SIDT1: variants seen among roughly 807,000 people sequenced by gnomAD.
The protein encoded by SIDT1 is SID1 transmembrane family, member 1.
In SIDT1, 101 loss-of-function variants were observed where a neutral mutation model predicts 107.5. That is an observed-to-expected ratio of 0.94 (90% confidence interval 0.80 to 1.11). The LOEUF is 1.11. Among genes scored for constraint, SIDT1 ranks in the 50% least tolerant of loss-of-function variants. The pLI is 0.00. For synonymous variants in SIDT1, 395 were observed against 398.2 expected (o/e 0.99, Z 0.10); for missense variants, 1,076 against 1,058.2 (o/e 1.02, Z -0.23).
intron 9 of SIDT1, among the ~76,000 whole-genome samples, chr3:113,586,259 A>G (rs554875890): frequency 1.5e-4 from 23 of 152,354 alleles, no homozygotes; most frequent in Admixed American, 2.6e-4. Context: ...AGAATAATGA[A>G]TTATAAACCA....
intron 1 of SIDT1, among the ~76,000 whole-genome samples, chr3:113,551,691 C>G (rs1356436867): frequency 6.6e-6 from 1 of 152,070 alleles, no homozygotes; most frequent in African/African-American, 2.4e-5. Context: ...GTCTGTGTAC[C>G]AGGCAAGCTG....
intron 3 of SIDT1, among the ~76,000 whole-genome samples, chr3:113,573,054 G>A (rs948995469): frequency 2.6e-5 from 4 of 151,852 alleles, no homozygotes; most frequent in Admixed American, 2.6e-4. Flanking sequence ...GCTCCAGGTG[G>A]TGGCAGGTTA....
rs1945720847 is a variant in SIDT1 at position 113,611,279 on chromosome 3, A to G, written c.1857+135A>G. On this transcript the variant is annotated intron_variant, in intron 18 of 24. Transcript: ENST00000264852. ...TGACACAATTTCATCTCATGACACA[A>G]TTTCATCTCATGACACACTTTCATC... 3.0e-6 allele frequency: 3 copies of G among 1,008,696 alleles called. No homozygotes were observed. In the South Asian group the frequency reaches 5.4e-5, roughly 18 times the overall value. 62.5% of individuals were successfully genotyped at this position (1,008,696 alleles called of 1,614,324 possible).
intron 23 of SIDT1, 59 bp downstream of exon 23, chr3:113,623,792 C>A: frequency 9.2e-7 from 1 of 1,087,986 alleles, no homozygotes; most frequent in Non-Finnish European, 1.4e-6. Flanking sequence ...CCATTTTGGC[C>A]TTTCTACCTC....
At position 113,584,720 on chromosome 3, in the gene SIDT1, T is replaced by A. The variant is rs1461622503; in HGVS notation, c.858T>A (p.Asn286Lys). ...CAGAAAAGGAAAACCAGACCTGGAA[T>A]CTACAGCGAAAAAAGAACCTTGAAG... ...FIQEKENQTW[N>K]LQRKKNLEVT... The change falls in exon 8 of 25, where the codon AAT becomes AAA. Residue 286 changes from asparagine to lysine, a missense_variant. Transcript: ENST00000264852. 1 of 1,600,790 alleles carries A rather than the reference T, an allele frequency of 6.2e-7. No homozygotes were observed. The highest frequency in any genetic ancestry group is 1.8e-5 in the Admixed American group (1 of 56,380).
chr3:113,610,384 A>G (rs573792970), intron 17 of SIDT1, among the ~76,000 whole-genome samples: 5 of 152,336 alleles, frequency 3.3e-5, no homozygotes, highest in African/African-American at 9.6e-5. Flanking sequence ...TCCCCAGATC[A>G]TCACTAACGT....
intron 20 of SIDT1, among the ~76,000 whole-genome samples, chr3:113,616,867 T>C (rs1369444954): frequency 6.6e-6 from 1 of 152,000 alleles, no homozygotes; most frequent in African/African-American, 2.4e-5. Flanking sequence ...TTTGTATTTT[T>C]AGTAGAGACG....
chr3:113,545,217 G>A (rs1939456781), intron 1 of SIDT1, among the ~76,000 whole-genome samples: 1 of 149,034 alleles, frequency 6.7e-6, no homozygotes, highest in Non-Finnish European at 1.5e-5. Flanking sequence ...ACTAGTTTTA[G>A]CATCCACTGA....
rs546161516 is a variant in SIDT1, at chr3:113,629,363, G to A, written c.*1655G>A. ...TGAAGGCCACCAATTAAATGGTTGT[G>A]TTAATCCAACATGTAAAAAACTTTT... On this transcript the variant is annotated 3_prime_UTR_variant, in exon 25 of 25. Coordinates refer to ENST00000264852, the MANE Select transcript of SIDT1 (RefSeq NM_017699.3). 3 of 152,218 alleles carry A rather than the reference G, an allele frequency of 2.0e-5. No individual in the cohort carries two copies. The South Asian group carries it at 6.2e-4, about 32-fold the overall frequency. 9.4% of individuals were successfully genotyped at this position (152,218 alleles called of 1,614,324 possible). A position where few individuals can be genotyped will look rare whatever the true frequency, so the allele number is the denominator to read the frequency against.
chr3:113,596,242 G>A (rs541624786), intron 10 of SIDT1, among the ~76,000 whole-genome samples: 3 of 152,312 alleles, frequency 2.0e-5, no homozygotes, highest in South Asian at 2.1e-4. Flanking sequence ...CACCTTAGAC[G>A]TGACTGAAGT....
At chr3:113,604,832 C>T (rs1339684805) in intron 13 of SIDT1, 78 bp from the exon 14 acceptor site, 42 of 1,512,656 alleles carry the variant, frequency 2.8e-5, no homozygotes, top group Admixed American at 8.4e-5. Flanking sequence ...GGGGTGGAAG[C>T]ATTCTTTTAA....
intron 17 of SIDT1, among the ~76,000 whole-genome samples, chr3:113,610,308 A>G (rs750731355): frequency 6.6e-6 from 1 of 152,220 alleles, no homozygotes; most frequent in Non-Finnish European, 1.5e-5. Flanking sequence ...CTATTTTACC[A>G]AAAACTGACA....
At chr3:113,633,161 G>A (rs73857007), downstream of SIDT1, among the ~76,000 whole-genome samples, 654 of 152,128 alleles carry the variant, frequency 4.3e-3, 6 homozygotes, top group African/African-American at 0.015. Flanking sequence ...ACCTCTTTAG[G>A]GAGGTTCAGG....
At chr3:113,600,804 A>G (rs1216242513) in intron 10 of SIDT1, among the ~76,000 whole-genome samples, 1 of 152,230 alleles carries the variant, frequency 6.6e-6, no homozygotes, top group African/African-American at 2.4e-5. Context: ...ATGACATGTT[A>G]CATACTTATG....
intron 1 of SIDT1, among the ~76,000 whole-genome samples, chr3:113,563,237 A>G (rs1198152269): frequency 6.6e-6 from 1 of 152,230 alleles, no homozygotes; most frequent in East Asian, 1.9e-4. Flanking sequence ...GCGAACTTTT[A>G]AGTAAGTGAT....
chr3:113,573,025 TG>T (rs1942599872), intron 3 of SIDT1, among the ~76,000 whole-genome samples: 1 of 151,704 alleles, frequency 6.6e-6, no homozygotes, highest in Non-Finnish European at 1.5e-5. Flanking sequence ...TTAATGATGC[TG>T]TACTGAGCAA....
intron 24 of SIDT1, among the ~76,000 whole-genome samples, chr3:113,627,026 A>C (rs1202117569): frequency 6.6e-6 from 1 of 152,188 alleles, no homozygotes; most frequent in Non-Finnish European, 1.5e-5. Context: ...TTTACTTTTG[A>C]TCGTCACCTT....
chr3:113,535,908 G>A (rs975566575), intron 1 of SIDT1, among the ~76,000 whole-genome samples: 10 of 152,034 alleles, frequency 6.6e-5, no homozygotes, highest in African/African-American at 1.7e-4. Flanking sequence ...CATTACCTTC[G>A]GTTCCTACTC....
Position 113,532,683 on chromosome 3 carries a change from G to T in SIDT1, c.-339G>T, listed in dbSNP as rs1003809845. On this transcript the variant is annotated 5_prime_UTR_variant, in exon 1 of 25. Transcript: ENST00000264852. ...CTGTTATTGAGGTTGAGGGAGAAGAGATCGGTCTAAATTCTGGCTGGGTAA... is the reference window on the plus strand; with the variant it reads ...CTGTTATTGAGGTTGAGGGAGAAGATATCGGTCTAAATTCTGGCTGGGTAA... 7.2e-6 allele frequency: 2 copies of T among 277,214 alleles called. No individual in the cohort carries two copies. The highest frequency in any genetic ancestry group is 1.3e-5 in the Non-Finnish European group (2 of 149,232). 17.2% of individuals were successfully genotyped at this position (277,214 alleles called of 1,614,324 possible).
Sources: allele counts gnomAD v4.1 joint callset (sites outside exome capture counted in the v4.1 genomes callset), GRCh38; gene constraint gnomAD v4.1.1; transcripts MANE v1.5; gene names NCBI Gene and HGNC (gene_info 2026-07-23, HGNC 2026-07-21).